RBFOX1: variants seen among roughly 807,000 people sequenced by gnomAD.
The protein encoded by RBFOX1 is RNA binding protein fox-1 homolog 1.
A neutral mutation model predicts 57.7 loss-of-function variants in RBFOX1; 8 were observed. The observed-to-expected ratio is 0.14, with a 90% CI of 0.08 to 0.25. RBFOX1 has a LOEUF of 0.25. RBFOX1 is among the 10% of genes least tolerant of loss of function. RBFOX1 has a pLI of 1.00. For missense variants in RBFOX1, 611 were observed against 548.5 expected, an observed-to-expected ratio of 1.11 and a Z score of -1.14; for synonymous variants, 326 against 222.4, an observed-to-expected ratio of 1.47 and a Z score of -4.15.
At chr16:5,294,932 A>T (rs1278878991) in intron 1 of RBFOX1, among the ~76,000 whole-genome samples, 1 of 148,118 alleles carries the variant, frequency 6.8e-6, no homozygotes, top group Non-Finnish European at 1.5e-5. Context: ...CAGGAGGCTG[A>T]GGCTGGAGAA....
chr16:6,011,741 A>C (rs928378127), intron 4 of RBFOX1, among the ~76,000 whole-genome samples: 4 of 152,186 alleles, frequency 2.6e-5, no homozygotes, highest in Non-Finnish European at 5.9e-5. Flanking sequence ...TGAGTGAGCA[A>C]AGCTGGTGAC....
intron 4 of RBFOX1, among the ~76,000 whole-genome samples, chr16:7,175,009 G>A (rs1386169699): frequency 6.6e-6 from 1 of 151,856 alleles, no homozygotes; most frequent in East Asian, 1.9e-4. Flanking sequence ...ATGATGTTGA[G>A]CATCTTTTCA....
At chr16:7,183,761 TAGG>T (rs1443694454) in intron 4 of RBFOX1, among the ~76,000 whole-genome samples, 1 of 152,210 alleles carries the variant, frequency 6.6e-6, no homozygotes, top group African/African-American at 2.4e-5. Flanking sequence ...TGATAAAGCT[TAGG>T]AGGACATTTC....
At chr16:5,921,145 C>T (rs1402817822) in intron 4 of RBFOX1, among the ~76,000 whole-genome samples, 2 of 152,160 alleles carry the variant, frequency 1.3e-5, no homozygotes, top group Non-Finnish European at 2.9e-5. Context: ...CTAGGCACCC[C>T]AGAGAATGCT....
At chr16:6,371,288 A>G (rs151248485) in intron 2 of RBFOX1, among the ~76,000 whole-genome samples, 106 of 152,278 alleles carry the variant, frequency 7.0e-4, no homozygotes, top group African/African-American at 2.2e-3. Context: ...AATTATGATT[A>G]TTACGGCTAT....
chr16:5,634,479 A>G (rs2048619743), intron 3 of RBFOX1, among the ~76,000 whole-genome samples: 2 of 152,354 alleles, frequency 1.3e-5, no homozygotes, highest in Middle Eastern at 3.4e-3. Flanking sequence ...ACAAAATTAA[A>G]GAACTTGTAC....
intron 1 of RBFOX1, among the ~76,000 whole-genome samples, chr16:6,268,388 A>G (rs925018306): frequency 6.6e-6 from 1 of 152,174 alleles, no homozygotes; most frequent in Non-Finnish European, 1.5e-5. Context: ...CTGTCTTGGT[A>G]TGAAGCACAG....
intron 3 of RBFOX1, among the ~76,000 whole-genome samples, chr16:6,837,697 C>A (rs529517843): frequency 6.6e-6 from 1 of 152,162 alleles, no homozygotes; most frequent in Non-Finnish European, 1.5e-5. Flanking sequence ...ATGTGCTAAT[C>A]ACTGTGGGCA....
chr16:6,908,843 T>C (rs928487739), intron 3 of RBFOX1, among the ~76,000 whole-genome samples: 3 of 152,164 alleles, frequency 2.0e-5, no homozygotes, highest in Non-Finnish European at 4.4e-5. Flanking sequence ...CTCACAAGGC[T>C]ATTGTGGGGA....
At chr16:6,071,924 A>G (rs2095842611) in intron 1 of RBFOX1, among the ~76,000 whole-genome samples, 1 of 152,190 alleles carries the variant, frequency 6.6e-6, no homozygotes, top group Non-Finnish European at 1.5e-5. Flanking sequence ...CTTCTTCTTT[A>G]AGGCTGAATA....
chr16:6,909,633 A>G (rs1008661311), intron 3 of RBFOX1, among the ~76,000 whole-genome samples: 1 of 152,258 alleles, frequency 6.6e-6, no homozygotes, highest in African/African-American at 2.4e-5. Context: ...CTTTTACAAA[A>G]TCAGACAAAG....
intron 5 of RBFOX1, among the ~76,000 whole-genome samples, chr16:7,578,978 C>G (rs1407318304): frequency 6.6e-6 from 1 of 152,138 alleles, no homozygotes; most frequent in East Asian, 1.9e-4. Context: ...GATGATGTTA[C>G]ATGGTCTAGG....
chr16:6,992,267 G>C (rs1034575948), intron 3 of RBFOX1, among the ~76,000 whole-genome samples: 2 of 151,978 alleles, frequency 1.3e-5, no homozygotes, highest in Non-Finnish European at 2.9e-5. Context: ...GGATTCAAGG[G>C]ATTTTCCTGG....
intron 3 of RBFOX1, among the ~76,000 whole-genome samples, chr16:6,793,475 C>T (rs1435975244): frequency 6.6e-6 from 1 of 152,086 alleles, no homozygotes; most frequent in African/African-American, 2.4e-5. Flanking sequence ...TCTCAGTGGA[C>T]ATTGTTGGTA....
chr16:6,686,485 T>A (rs979888385), intron 3 of RBFOX1, among the ~76,000 whole-genome samples: 3 of 152,218 alleles, frequency 2.0e-5, no homozygotes, highest in Non-Finnish European at 2.9e-5. Flanking sequence ...ACTACGTGGT[T>A]GTGTCGTTTA....
Position 6,282,355 on chromosome 16 carries a change from G to GTTTTTTTTTT in RBFOX1, c.-126-34627_-126-34618dup, listed in dbSNP as rs151272388. 8.0e-5 allele frequency among the ~76,000 whole-genome samples: 10 copies of GTTTTTTTTTT among 125,238 alleles called. 1 individual carries two copies. Among genetic ancestry groups the GTTTTTTTTTT allele is most frequent in the Non-Finnish European group, 8.6e-5 (5 of 58,468 alleles). The allele number at this position is 125,238 out of a possible 152,430, so 82.2% of individuals were successfully genotyped here. On this transcript the variant is annotated intron_variant, in intron 1 of 15. Transcript: ENST00000550418. ...CCTTCTCATTCCTTGTACCTTGTCT[G>GTTTTTTTTTT]TTTTTTTTTTTTTTTTTTTTTTAAT...
intron 2 of RBFOX1, among the ~76,000 whole-genome samples, chr16:6,558,894 C>T (rs974686647): frequency 6.6e-6 from 1 of 151,994 alleles, no homozygotes. Context: ...ATTCTGCTCC[C>T]TCTGTCTGGA....
chr16:6,396,151 A>G lies in RBFOX1; in HGVS notation c.-64+79094A>G, dbSNP rs577721565. On this transcript the variant is annotated intron_variant, in intron 2 of 15. Transcript: ENST00000550418. ...TAGCTTGTTTTGGAGTAATCCTATCATAGATAGCAATTATAAATTCTAGAT... is the reference window on the plus strand; with the variant it reads ...TAGCTTGTTTTGGAGTAATCCTATCGTAGATAGCAATTATAAATTCTAGAT... Among the ~76,000 whole-genome samples the G allele has an allele frequency of 2.0e-5, 3 of 151,924 alleles. No homozygotes were observed. In the South Asian group the frequency reaches 6.2e-4, roughly 32 times the overall value.
intron 2 of RBFOX1, among the ~76,000 whole-genome samples, chr16:6,472,883 C>G (rs2095210677): frequency 6.6e-6 from 1 of 152,054 alleles, no homozygotes; most frequent in Non-Finnish European, 1.5e-5. Flanking sequence ...CCTCGGCCTC[C>G]CAAAGTGCTG....
Sources: allele counts gnomAD v4.1 joint callset (sites outside exome capture counted in the v4.1 genomes callset), GRCh38; gene constraint gnomAD v4.1.1; transcripts MANE v1.5; gene names NCBI Gene and HGNC (gene_info 2026-07-23, HGNC 2026-07-21).